CHD2: variants seen among roughly 807,000 people sequenced by gnomAD.
CHD2 encodes chromodomain helicase DNA binding protein 2.
In CHD2, 28 loss-of-function variants were observed where a neutral mutation model predicts 243.9. The ratio of observed to expected loss-of-function variants is 0.11; its 90% CI spans 0.09 to 0.16. CHD2 has a LOEUF of 0.16. CHD2 is among the 10% of genes least tolerant of loss of function. The probability of loss-of-function intolerance (pLI) is 1.00; values close to 1 mark genes in which losing one functional copy is unlikely to be tolerated. For missense variants in CHD2, 1,386 were observed against 2,209.8 expected (o/e 0.63, Z 7.47); for synonymous variants, 775 against 779.0 (o/e 0.99, Z 0.09).
In CHD2 at chr15:92,997,732, T is replaced by C. The variant is rs1306580518; in HGVS notation, c.3885+329T>C. ...TTCCTTGGCCTTAGTTATTGGCCCT[T>C]TGTTTAAAAGTACATTTGAAACAAC... On this transcript the variant is annotated intron_variant, in intron 30 of 38. Transcript: ENST00000394196. The surrounding 1 kb of genome is among the most constrained non-coding windows in gnomAD (Gnocchi z 4.1). 1 of 182,950 alleles carries C rather than the reference T, an allele frequency of 5.5e-6. No homozygotes were observed. The highest frequency in any genetic ancestry group is 1.6e-4 in the South Asian group (1 of 6,090). 11.3% of individuals were successfully genotyped at this position (182,950 alleles called of 1,614,324 possible). A position where few individuals can be genotyped will look rare whatever the true frequency, so the allele number is the denominator to read the frequency against.
At chr15:92,974,537 T>A (rs1343985861) in intron 19 of CHD2, among the ~76,000 whole-genome samples, 2 of 152,214 alleles carry the variant, frequency 1.3e-5, no homozygotes. Context: ...TATTTCCTAA[T>A]CTCTGCAGTA....
intron 13 of CHD2, among the ~76,000 whole-genome samples, chr15:92,951,616 C>T (rs555778281): frequency 5.3e-4 from 80 of 152,292 alleles, no homozygotes; most frequent in African/African-American, 1.9e-3. Flanking sequence ...TCAATTCAAA[C>T]CTACTGTAGT....
At position 92,900,377 on chromosome 15, in the gene CHD2, T is replaced by A. The variant is rs1309970961; in HGVS notation, c.-519T>A. ...GCTGTGCCTTAGAGAGAGCGCGCTCTGCTCCCTGCCTTTGCCTCACTTTAC... is the reference window on the plus strand; with the variant it reads ...GCTGTGCCTTAGAGAGAGCGCGCTCAGCTCCCTGCCTTTGCCTCACTTTAC... On this transcript the variant is annotated 5_prime_UTR_variant, in exon 1 of 39. Coordinates refer to ENST00000394196, the MANE Select transcript of CHD2 (RefSeq NM_001271.4). 1 of 393,052 alleles carries A rather than the reference T, an allele frequency of 2.5e-6. No homozygotes were observed. The highest frequency in any genetic ancestry group is 2.1e-5 in the African/African-American group (1 of 48,510). 24.3% of individuals were successfully genotyped at this position (393,052 alleles called of 1,614,324 possible).
At chr15:92,936,160 A>G (rs995875212) in intron 5 of CHD2, among the ~76,000 whole-genome samples, 9 of 152,154 alleles carry the variant, frequency 5.9e-5, no homozygotes, top group African/African-American at 2.4e-5. Context: ...GTCTCCACCA[A>G]TTCAGGTTTA....
At position 92,900,845 on chromosome 15, in the gene CHD2, G is replaced by A. The variant is rs2052518925; in HGVS notation, c.-72+21G>A. On this transcript the variant is annotated intron_variant, in intron 1 of 38. Coordinates refer to ENST00000394196, the MANE Select transcript of CHD2 (RefSeq NM_001271.4). Reference sequence around the variant, plus strand: ...ATCAGGTAAGTTCACGATCATTGGTGATAATTTTAAAGATTTATTTGTTTA... The same window carrying A: ...ATCAGGTAAGTTCACGATCATTGGTAATAATTTTAAAGATTTATTTGTTTA... 1.2e-5 allele frequency: 5 copies of A among 405,614 alleles called. No individual in the cohort carries two copies. The South Asian group carries it at 4.7e-4, about 38-fold the overall frequency. The allele number at this position is 405,614 out of a possible 1,614,324, so 25.1% of individuals were successfully genotyped here. A position where few individuals can be genotyped will look rare whatever the true frequency, so the allele number is the denominator to read the frequency against.
rs775406327 is a variant in CHD2 at position 92,992,951 on chromosome 15, C to T, written c.3548C>T (p.Ser1183Leu). 1.9e-6 allele frequency: 3 copies of T among 1,614,062 alleles called. No homozygotes were observed. In the South Asian group the frequency reaches 3.3e-5, roughly 18 times the overall value. The change falls in exon 28 of 39, where the codon TCA (serine) becomes TTA (leucine). Residue 1183 changes from serine to leucine, a missense_variant. By Grantham distance (145) the Ser-to-Leu change is moderately radical. Coordinates refer to ENST00000394196, the MANE Select transcript of CHD2 (RefSeq NM_001271.4). Reference sequence around the variant, plus strand: ...GAACTGATCCACAACAGCTGTGTGTCAGCAATGCAGGAATACGAAGAGCAG... The same window carrying T: ...GAACTGATCCACAACAGCTGTGTGTTAGCAATGCAGGAATACGAAGAGCAG... Reference protein sequence around the residue: ...LGELIHNSCVSAMQEYEEQLK... With the variant: ...LGELIHNSCVLAMQEYEEQLK...
chr15:92,950,075 A>AG (rs772902172), intron 13 of CHD2, among the ~76,000 whole-genome samples: 1 of 152,192 alleles, frequency 6.6e-6, no homozygotes, highest in Non-Finnish European at 1.5e-5. Flanking sequence ...CAAATAAGGA[A>AG]GGGGTGTAGG....
intron 19 of CHD2, among the ~76,000 whole-genome samples, chr15:92,972,947 C>G (rs1054563124): frequency 1.3e-5 from 2 of 151,580 alleles, no homozygotes; most frequent in Non-Finnish European, 2.9e-5. Flanking sequence ...GGAGACGATT[C>G]TTTTTTTGAA....
chr15:92,968,320 G>GGCTCA (rs1405141188), intron 17 of CHD2, among the ~76,000 whole-genome samples: 3 of 152,064 alleles, frequency 2.0e-5, no homozygotes, highest in Non-Finnish European at 4.4e-5. Context: ...CCAGTAGTTT[G>GGCTCA]AGACCAGCCT....
At chr15:92,989,669 A>C (rs1032629440) in intron 26 of CHD2, among the ~76,000 whole-genome samples, 1 of 152,184 alleles carries the variant, frequency 6.6e-6, no homozygotes, top group Admixed American at 6.5e-5. Flanking sequence ...GCACGTTTCA[A>C]TGCTCTGGAA....
At chr15:93,011,731 A>G (rs1305418999) in intron 35 of CHD2, among the ~76,000 whole-genome samples, 1 of 152,188 alleles carries the variant, frequency 6.6e-6, no homozygotes, top group African/African-American at 2.4e-5. Flanking sequence ...GCGCAGTAAC[A>G]CCATGCTAGG....
Position 93,025,472 on chromosome 15 carries a change from GCTGA to G in CHD2, c.*772_*775del, listed in dbSNP as rs754388743. The G allele has an allele frequency of 1.6e-3, 238 of 152,814 alleles. 1 individual carries two copies. The highest frequency in any genetic ancestry group is 6.8e-3 in the Middle Eastern group (2 of 296). The allele number at this position is 152,814 out of a possible 1,614,324, so 9.5% of individuals were successfully genotyped here. On this transcript the variant is annotated 3_prime_UTR_variant, in exon 39 of 39. Transcript: ENST00000394196. The stretch of plus-strand genomic sequence containing the variant: ...GTGCCAGGGAAGGTAGGTTTCTCTG[GCTGA>G]CTGAGTACTGTGAGTGAGGCAACAC...
chr15:92,989,283 C>T (rs746820932), intron 26 of CHD2, among the ~76,000 whole-genome samples: 1 of 152,126 alleles, frequency 6.6e-6, no homozygotes, highest in East Asian at 1.9e-4. Flanking sequence ...CCACCCGCCT[C>T]GGCCTCCCAA....
At chr15:92,992,060 A>G (rs2054126864) in intron 27 of CHD2, among the ~76,000 whole-genome samples, 1 of 152,238 alleles carries the variant, frequency 6.6e-6, no homozygotes, top group African/African-American at 2.4e-5. Context: ...AGAAGACTCT[A>G]TTTGAAATGG....
At chr15:92,950,415 C>G (rs1409269864) in intron 13 of CHD2, 1 of 152,156 alleles carries the variant, frequency 6.6e-6, no homozygotes, top group East Asian at 1.9e-4. Flanking sequence ...TTTTGCTGTC[C>G]TTACAGAACA....
chr15:92,926,058 A>G (rs1264688093), intron 3 of CHD2, among the ~76,000 whole-genome samples: 1 of 152,100 alleles, frequency 6.6e-6, no homozygotes, highest in Non-Finnish European at 1.5e-5. Context: ...TGCAGCCTTG[A>G]TCTTCTGGGT....
At chr15:92,936,452 T>C (rs997387399) in intron 5 of CHD2, among the ~76,000 whole-genome samples, 1 of 152,226 alleles carries the variant, frequency 6.6e-6, no homozygotes, top group Non-Finnish European at 1.5e-5. Flanking sequence ...CCCTCTTCTC[T>C]GTAGGTGAGA....
chr15:93,019,913 A>G (rs2054511829), intron 37 of CHD2, 99 bp from the exon 38 acceptor site: 2 of 1,426,650 alleles, frequency 1.4e-6, no homozygotes, highest in Admixed American at 2.3e-5. Flanking sequence ...AGCCTGGGCA[A>G]ACAGAGCACG....
intron 38 of CHD2, 145 bp from the exon 39 acceptor site, chr15:93,024,225 ACT>A (rs1015104804): frequency 2.0e-5 from 14 of 697,678 alleles, no homozygotes; most frequent in South Asian, 3.9e-5. Flanking sequence ...GTGTAAAATG[ACT>A]CTGTTATTAA....
Sources: allele counts gnomAD v4.1 joint callset (sites outside exome capture counted in the v4.1 genomes callset), GRCh38; gene constraint gnomAD v4.1.1; non-coding constraint Gnocchi (gnomAD v3.1); transcripts MANE v1.5; gene names NCBI Gene and HGNC (gene_info 2026-07-23, HGNC 2026-07-21).